The following SLCO3A1 variants were observed in gnomAD, a reference collection of about 807,000 sequenced individuals.
SLCO3A1 encodes the protein solute carrier organic anion transporter family member 3A1.
Under a neutral mutation model 63.1 loss-of-function variants are expected in SLCO3A1, and 27 were observed. The ratio of observed to expected loss-of-function variants is 0.43; its 90% confidence interval spans 0.32 to 0.59. The LOEUF is 0.59. Ranked by LOEUF, SLCO3A1 falls within the 20% of genes least tolerant of loss-of-function variation. The pLI is 0.09. For missense variants in SLCO3A1, 773 were observed against 945.8 expected (o/e 0.82, Z 2.40); for synonymous variants, 473 against 409.9 (o/e 1.15, Z -1.86).
At chr15:92,079,500 A>G (rs1465757029) in intron 2 of SLCO3A1, among the ~76,000 whole-genome samples, 1 of 152,168 alleles carries the variant, frequency 6.6e-6, no homozygotes, top group Admixed American at 6.5e-5. Flanking sequence ...TGTCCTCTGT[A>G]CCTGAGCTTC....
At chr15:91,992,543 G>GCATCTCCCCGTAGTAAGATGTCAAC (rs2046140223) in intron 2 of SLCO3A1, among the ~76,000 whole-genome samples, 1 of 152,180 alleles carries the variant, frequency 6.6e-6, no homozygotes. Flanking sequence ...AACCATGTTA[G>GCATCTCCCCGTAGTAAGATGTCAAC]CATCTCCCCG....
intron 2 of SLCO3A1, among the ~76,000 whole-genome samples, chr15:92,001,207 G>T (rs1416078394): frequency 6.8e-6 from 1 of 147,974 alleles, no homozygotes; most frequent in Non-Finnish European, 1.5e-5. Flanking sequence ...GGACCAGGTG[G>T]GTGGGCGGGG....
At chr15:91,923,531 G>A (rs1486721934) in intron 2 of SLCO3A1, among the ~76,000 whole-genome samples, 5 of 152,238 alleles carry the variant, frequency 3.3e-5, no homozygotes, top group African/African-American at 1.2e-4. Context: ...GCAGCCCAGA[G>A]TATGGCCATT....
At chr15:92,014,377 G>A (rs1236910294) in intron 2 of SLCO3A1, among the ~76,000 whole-genome samples, 1 of 152,150 alleles carries the variant, frequency 6.6e-6, no homozygotes, top group Admixed American at 6.5e-5. Flanking sequence ...GGCACTCTTC[G>A]GAGGGCTGCA....
intron 1 of SLCO3A1, among the ~76,000 whole-genome samples, chr15:91,888,532 A>T (rs138821845): frequency 1.3e-5 from 2 of 152,284 alleles, no homozygotes; most frequent in Admixed American, 1.3e-4. Context: ...CCAGGTTCAG[A>T]ATAGTCCTAG....
chr15:91,916,507 A>G lies in SLCO3A1; in HGVS notation c.646+49A>G. 7.1e-7 allele frequency: 1 copy of G among 1,408,930 alleles called. No individual in the cohort carries two copies. The highest frequency in any genetic ancestry group is 9.7e-7 in the Non-Finnish European group (1 of 1,034,542). The allele number at this position is 1,408,930 out of a possible 1,614,324, so 87.3% of individuals were successfully genotyped here. A position where few individuals can be genotyped will look rare whatever the true frequency, so the allele number is the denominator to read the frequency against. Reference sequence around the variant, plus strand: ...AGCAAGAGACCAGGGTGTGTTGACCATGGATAAAAGGTGGCCTGGTGGACT... The same window carrying G: ...AGCAAGAGACCAGGGTGTGTTGACCGTGGATAAAAGGTGGCCTGGTGGACT... On this transcript the variant is annotated intron_variant, in intron 2 of 9. Coordinates refer to ENST00000318445, the MANE Select transcript of SLCO3A1 (RefSeq NM_013272.4). The surrounding 1 kb of genome is among the most constrained non-coding windows in gnomAD (Gnocchi z 6.2).
chr15:92,032,725 T>C (rs1443698295), intron 2 of SLCO3A1, among the ~76,000 whole-genome samples: 1 of 152,138 alleles, frequency 6.6e-6, no homozygotes, highest in Non-Finnish European at 1.5e-5. Flanking sequence ...GCGATGCTCC[T>C]GGCAAAATTT....
In SLCO3A1 at chr15:92,165,520, T is replaced by G. The variant is rs143544411; in HGVS notation, c.*2385T>G. ...GCTTTGAGAGAAAAAAAAAAGAAAG[T>G]TTTTTAAACTCTTTGCATTTTGGAT... On this transcript the variant is annotated 3_prime_UTR_variant, in exon 10 of 10. Coordinates refer to ENST00000318445, the MANE Select transcript of SLCO3A1 (RefSeq NM_013272.4). 1.0e-3 allele frequency: 1,017 copies of G among 983,788 alleles called. 5 individuals carry two copies. In the African/African-American group the frequency reaches 0.017, roughly 16 times the overall value. The allele number at this position is 983,788 out of a possible 1,614,324, so 60.9% of individuals were successfully genotyped here. A position where few individuals can be genotyped will look rare whatever the true frequency, so the allele number is the denominator to read the frequency against.
chr15:92,082,653 G>C (rs1434324711), intron 2 of SLCO3A1, among the ~76,000 whole-genome samples: 1 of 152,202 alleles, frequency 6.6e-6, no homozygotes, highest in African/African-American at 2.4e-5. Context: ...CCAGATATCA[G>C]AAGATTTGCA....
intron 2 of SLCO3A1, among the ~76,000 whole-genome samples, chr15:92,032,661 TA>T (rs1436258609): frequency 7.2e-5 from 11 of 151,774 alleles, no homozygotes; most frequent in Non-Finnish European, 1.5e-4. Context: ...GGTGATTGGG[TA>T]GGTTGGAGTG....
rs146464984 is a variant in SLCO3A1 at position 91,967,412 on chromosome 15, A to G, written c.646+50954A>G. Among the ~76,000 whole-genome samples the G allele has an allele frequency of 1.0e-3, 156 of 152,244 alleles. 1 individual carries two copies. The highest frequency in any genetic ancestry group is 3.5e-3 in the African/African-American group (147 of 41,554). On this transcript the variant is annotated intron_variant, in intron 2 of 9. Transcript: ENST00000318445. This position sits in a 1 kb window ranked among gnomAD's most constrained non-coding sequence, Gnocchi z 4.4. ...TAACTCCCCCTGCTTGAAGCTTTAT[A>G]TGGTGATCTGTGGTAGAATGTCCCT...
chr15:92,083,124 C>A (rs1366547988), intron 2 of SLCO3A1, among the ~76,000 whole-genome samples: 1 of 152,178 alleles, frequency 6.6e-6, no homozygotes, highest in Non-Finnish European at 1.5e-5. Flanking sequence ...TGATCACTTT[C>A]CTTGTAAAGA....
Position 91,916,239 on chromosome 15 carries a change from G to A in SLCO3A1, c.427G>A (p.Gly143Ser), listed in dbSNP as rs1304383116. ...GTACGAGGCGGGCGAGATCCGCTGG[G>A]GCGCCGAGGGCCGCGACGTCTGCGC... Reference protein sequence around the residue: ...YKYEAGEIRWGAEGRDVCAAN... With the variant: ...YKYEAGEIRWSAEGRDVCAAN... The change falls in exon 2 of 10, where the codon GGC becomes AGC. Residue 143 changes from glycine to serine, a missense_variant. By Grantham distance (56) the Gly-to-Ser change is moderately conservative. Coordinates refer to ENST00000318445, the MANE Select transcript of SLCO3A1 (RefSeq NM_013272.4). This position sits in a 1 kb window ranked among gnomAD's most constrained non-coding sequence, Gnocchi z 6.2. 2 of 1,567,872 alleles carry A rather than the reference G, an allele frequency of 1.3e-6. No individual in the cohort carries two copies. Among genetic ancestry groups the A allele is most frequent in the Non-Finnish European group, 1.7e-6 (2 of 1,157,858 alleles).
chr15:92,107,399 C>G (rs557701884), intron 4 of SLCO3A1, among the ~76,000 whole-genome samples: 3 of 152,134 alleles, frequency 2.0e-5, no homozygotes, highest in African/African-American at 7.2e-5. Context: ...TTTCTCCATG[C>G]GAGACACATG....
chr15:92,126,702 G>A (rs1027492954), intron 6 of SLCO3A1, among the ~76,000 whole-genome samples: 1 of 152,184 alleles, frequency 6.6e-6, no homozygotes, highest in East Asian at 1.9e-4. Flanking sequence ...GTGTAGCGAG[G>A]GAAAGGGGGA....
chr15:91,999,328 G>A (rs2046226669), intron 2 of SLCO3A1, among the ~76,000 whole-genome samples: 1 of 151,992 alleles, frequency 6.6e-6, no homozygotes, highest in African/African-American at 2.4e-5. Flanking sequence ...AGACACATAT[G>A]GACAGAAGAT....
At chr15:92,015,805 C>G (rs1436191895) in intron 2 of SLCO3A1, among the ~76,000 whole-genome samples, 1 of 152,118 alleles carries the variant, frequency 6.6e-6, no homozygotes, top group Non-Finnish European at 1.5e-5. Flanking sequence ...ACCCCATTTG[C>G]TCAATCAGGA....
At chr15:92,061,558 G>T (rs1042248325) in intron 2 of SLCO3A1, among the ~76,000 whole-genome samples, 2 of 152,200 alleles carry the variant, frequency 1.3e-5, no homozygotes, top group Non-Finnish European at 2.9e-5. Flanking sequence ...GATTAGCTAT[G>T]AAATCTCTAA....
intron 2 of SLCO3A1, among the ~76,000 whole-genome samples, chr15:91,943,928 G>A (rs1489574847): frequency 1.3e-5 from 2 of 152,110 alleles, no homozygotes; most frequent in Admixed American, 1.3e-4. Flanking sequence ...CTTGTCTTGG[G>A]TGCCTTAGCA....
Sources: allele counts gnomAD v4.1 joint callset (sites outside exome capture counted in the v4.1 genomes callset), GRCh38; gene constraint gnomAD v4.1.1; non-coding constraint Gnocchi (gnomAD v3.1); transcripts MANE v1.5; gene names NCBI Gene and HGNC (gene_info 2026-07-23, HGNC 2026-07-21).